The following FBXW11 variants were observed in gnomAD, a reference collection of about 807,000 sequenced individuals.
FBXW11 encodes the protein F-box/WD repeat-containing protein 11.
In FBXW11, 19 loss-of-function variants were observed where a neutral mutation model predicts 77.6. The observed-to-expected ratio is 0.24, with a 90% CI of 0.17 to 0.36. The LOEUF is 0.36. Ranked by LOEUF, FBXW11 falls within the 10% of genes least tolerant of loss-of-function variation. FBXW11 has a pLI of 1.00. For missense variants in FBXW11, 334 were observed against 704.2 expected (o/e 0.47, Z 5.95); for synonymous variants, 235 against 249.4 (o/e 0.94, Z 0.54).
At chr5:171,952,867 C>CA (rs1763420232) in intron 2 of FBXW11, among the ~76,000 whole-genome samples, 2 of 151,680 alleles carry the variant, frequency 1.3e-5, no homozygotes, top group East Asian at 1.9e-4. Context: ...TTTTCTTTCG[C>CA]AATTTTTTTT....
chr5:171,880,332 T>G (rs1446961859), intron 7 of FBXW11, among the ~76,000 whole-genome samples: 1 of 152,244 alleles, frequency 6.6e-6, no homozygotes. Flanking sequence ...ACCACACCAC[T>G]GTGATGACTG....
At chr5:171,916,630 G>A (rs892482067) in intron 2 of FBXW11, among the ~76,000 whole-genome samples, 1 of 152,192 alleles carries the variant, frequency 6.6e-6, no homozygotes, top group Non-Finnish European at 1.5e-5. Flanking sequence ...TTTAAAGCAA[G>A]CAGGTTTCCT....
chr5:171,934,443 C>T (rs890788797), intron 2 of FBXW11, among the ~76,000 whole-genome samples: 9 of 151,956 alleles, frequency 5.9e-5, no homozygotes, highest in East Asian at 3.9e-4. Context: ...CTTTGGGGGC[C>T]GAGGCATGCA....
In FBXW11 at chr5:171,951,005, T is replaced by C. The variant is rs549956615; in HGVS notation, c.147+6592A>G. Among the ~76,000 whole-genome samples, 12 of 152,108 alleles carry C rather than the reference T, an allele frequency of 7.9e-5. No homozygotes were observed. The South Asian group carries it at 2.1e-3, about 26-fold the overall frequency. On this transcript the variant is annotated intron_variant, in intron 2 of 13. Coordinates refer to ENST00000517395, the MANE Select transcript of FBXW11 (RefSeq NM_001378974.1). The stretch of plus-strand genomic sequence containing the variant: ...AAATATACAATGATAAAGAACAAAA[T>C]GTTAACATTCGTTTCTTAGGGGGAA...
chr5:171,932,777 C>G (rs1762280547), intron 2 of FBXW11, among the ~76,000 whole-genome samples: 1 of 151,808 alleles, frequency 6.6e-6, no homozygotes. Flanking sequence ...TTACACATAA[C>G]TGCTAAAACT....
chr5:171,916,091 G>A (rs1214840905), intron 2 of FBXW11, among the ~76,000 whole-genome samples: 1 of 151,648 alleles, frequency 6.6e-6, no homozygotes, highest in Admixed American at 6.6e-5. Context: ...GGCCTGTCGT[G>A]GGGTGGGGGG....
intron 1 of FBXW11, among the ~76,000 whole-genome samples, chr5:171,970,917 G>A (rs1427097871): frequency 1.3e-5 from 2 of 152,152 alleles, no homozygotes; most frequent in African/African-American, 4.8e-5. Flanking sequence ...TTTCAGGCAG[G>A]GGCTAGGACA....
chr5:171,944,823 C>A (rs890019837), intron 2 of FBXW11, among the ~76,000 whole-genome samples: 10 of 152,046 alleles, frequency 6.6e-5, no homozygotes, highest in Non-Finnish European at 1.0e-4. Flanking sequence ...CTTACATTCA[C>A]AGAATTCAAA....
rs149015582 is a variant in FBXW11 at position 171,907,986 on chromosome 5, G to A, written c.436+2586C>T. Among the ~76,000 whole-genome samples the A allele has an allele frequency of 2.2e-3, 338 of 152,156 alleles. 2 individuals carry two copies. The highest frequency in any genetic ancestry group is 8.1e-3 in the African/African-American group (336 of 41,514). ...AAAACGTTTGAGAAGCAAATTACAG[G>A]GAAGAAAATAAAACCAAAACGGTGG... On this transcript the variant is annotated intron_variant, in intron 4 of 13. Transcript: ENST00000517395.
chr5:171,959,520 T>A (rs1196392817), intron 1 of FBXW11, among the ~76,000 whole-genome samples: 4 of 152,148 alleles, frequency 2.6e-5, no homozygotes, highest in East Asian at 1.9e-4. Context: ...AAAATTTTTT[T>A]AATTAAAACA....
chr5:171,889,714 C>G (rs950902071), intron 7 of FBXW11, among the ~76,000 whole-genome samples: 1 of 151,222 alleles, frequency 6.6e-6, no homozygotes, highest in African/African-American at 2.4e-5. Context: ...TGGAGAAACC[C>G]TGTCTCTAAT....
rs190140329 is a variant in FBXW11 at position 171,996,278 on chromosome 5, T to C, written c.45+10180A>G. Among the ~76,000 whole-genome samples, 69 of 152,322 alleles carry C rather than the reference T, an allele frequency of 4.5e-4. No homozygotes were observed. In the East Asian group the frequency reaches 9.6e-3, roughly 21 times the overall value. On this transcript the variant is annotated intron_variant, in intron 1 of 13. Coordinates refer to ENST00000517395, the MANE Select transcript of FBXW11 (RefSeq NM_001378974.1). The stretch of plus-strand genomic sequence containing the variant: ...GAGAATGCCTCAAAGTTACCATTTG[T>C]TTTCCATATTTTACAAGCTATTCCC...
At position 171,883,618 on chromosome 5, in the gene FBXW11, T is replaced by A. The variant is rs142077055; in HGVS notation, c.853-5489A>T. On this transcript the variant is annotated intron_variant, in intron 7 of 13. Transcript: ENST00000517395. Reference sequence around the variant, plus strand: ...CCACCAGCAGTGTAGAAGTGTTCCCTGTTCATCATATCCATGCCAGCATCT... The same window carrying A: ...CCACCAGCAGTGTAGAAGTGTTCCCAGTTCATCATATCCATGCCAGCATCT... Among the ~76,000 whole-genome samples the A allele has an allele frequency of 7.4e-3, 1,133 of 152,362 alleles. 14 individuals are homozygous for A. Among genetic ancestry groups the A allele is most frequent in the African/African-American group, 0.025 (1,040 of 41,586 alleles).
At position 171,861,783 on chromosome 5, in the gene FBXW11, A is replaced by G. The variant is rs1398104100; in HGVS notation, c.*2344T>C. ...TTTAACAGTTTCAATAGCTGTTCAGACACAAATTTATTTCAAACAGATAAT... is the reference window on the plus strand; with the variant it reads ...TTTAACAGTTTCAATAGCTGTTCAGGCACAAATTTATTTCAAACAGATAAT... On this transcript the variant is annotated 3_prime_UTR_variant, in exon 14 of 14. Coordinates refer to ENST00000517395, the MANE Select transcript of FBXW11 (RefSeq NM_001378974.1). 2.6e-5 allele frequency: 4 copies of G among 152,678 alleles called. No individual in the cohort carries two copies. The highest frequency in any genetic ancestry group is 5.9e-5 in the Non-Finnish European group (4 of 68,038). 9.5% of individuals were successfully genotyped at this position (152,678 alleles called of 1,614,324 possible).
At position 171,952,440 on chromosome 5, in the gene FBXW11, TA is replaced by T. The variant is rs1440707155; in HGVS notation, c.147+5156del. ...GTACATACATATATATATATATATA[TA>T]TATATATTTTTTTTTTTTTTTTTTT... On this transcript the variant is annotated intron_variant, in intron 2 of 13. Coordinates refer to ENST00000517395, the MANE Select transcript of FBXW11 (RefSeq NM_001378974.1). Among the ~76,000 whole-genome samples, 106 of 22,214 alleles carry T rather than the reference TA, an allele frequency of 4.8e-3. 2 individuals are homozygous for T. Among genetic ancestry groups the T allele is most frequent in the East Asian group, 0.017 (7 of 410 alleles). 14.6% of individuals were successfully genotyped at this position (22,214 alleles called of 152,430 possible).
chr5:171,878,188 T>C, intron 7 of FBXW11, 59 bp from the exon 8 acceptor site: 2 of 1,189,322 alleles, frequency 1.7e-6, no homozygotes, highest in Non-Finnish European at 1.2e-6. Context: ...TGATGAATGT[T>C]ACTGTCCCAC....
At chr5:171,958,024 C>T (rs866660804) in intron 1 of FBXW11, among the ~76,000 whole-genome samples, 6 of 152,166 alleles carry the variant, frequency 3.9e-5, no homozygotes, top group East Asian at 1.9e-4. Context: ...GTGAGATTGT[C>T]GACTACAATT....
chr5:171,896,109 G>A lies in FBXW11; in HGVS notation c.714+2895C>T, dbSNP rs1581165771. On this transcript the variant is annotated intron_variant, in intron 6 of 13. Transcript: ENST00000517395. The stretch of plus-strand genomic sequence containing the variant: ...TTAAAATTAAGCCAATTTTCGGTGG[G>A]TCAATGTAGAAGCGCAGATTCAGAG... 2.6e-5 allele frequency among the ~76,000 whole-genome samples: 4 copies of A among 152,264 alleles called. No individual in the cohort carries two copies. In the East Asian group the frequency reaches 7.7e-4, roughly 29 times the overall value.
chr5:171,893,899 C>T (rs146755129), intron 6 of FBXW11, among the ~76,000 whole-genome samples: 155 of 151,816 alleles, frequency 1.0e-3, no homozygotes, highest in African/African-American at 3.6e-3. Flanking sequence ...CTTTGTTATG[C>T]TCTATATTTC....
Sources: allele counts gnomAD v4.1 joint callset (sites outside exome capture counted in the v4.1 genomes callset), GRCh38; gene constraint gnomAD v4.1.1; transcripts MANE v1.5; gene names NCBI Gene and HGNC (gene_info 2026-07-23, HGNC 2026-07-21).